The following PGAP6 variants were observed in gnomAD, a reference collection of about 807,000 sequenced individuals.
PGAP6 encodes the protein post-GPI attachment to proteins factor 6.
PGAP6 carries 62 observed loss-of-function variants against 68.4 expected under a neutral mutation model. That is an observed-to-expected ratio of 0.91 (90% confidence interval 0.74 to 1.12). The LOEUF is 1.12. Ranked by LOEUF, PGAP6 falls within the 50% of genes most tolerant of loss-of-function variation. The pLI is 0.00. For missense variants in PGAP6, 1,188 were observed against 1,068.5 expected, an observed-to-expected ratio of 1.11 and a Z score of -1.56; for synonymous variants, 575 against 474.0, an observed-to-expected ratio of 1.21 and a Z score of -2.77.
intron 11 of PGAP6, 32 bp downstream of exon 11, chr16:373,973 G>A (rs542708154): frequency 1.7e-5 from 27 of 1,574,750 alleles, no homozygotes; most frequent in Admixed American, 1.1e-4. Context: ...CTGCTCCCCC[G>A]GAGCCCACAC....
At chr16:383,104 A>G (rs2054457977), upstream of PGAP6, among the ~76,000 whole-genome samples, 1 of 152,176 alleles carries the variant, frequency 6.6e-6, no homozygotes, top group Non-Finnish European at 1.5e-5. Flanking sequence ...CGACAGAGCG[A>G]GACTCCGTCT....
chr16:372,286 G>T lies in PGAP6; in HGVS notation c.2020-3C>A. On this transcript the variant is annotated splice_polypyrimidine_tract_variant and splice_region_variant and intron_variant, in intron 12 of 12. Transcript: ENST00000431232. The stretch of plus-strand genomic sequence containing the variant: ...CGCCGGTGCCCGCAGCGGTAAGCCT[G>T]GAGAAAACAGCCACGCAGGTATCAG... The T allele has an allele frequency of 6.2e-7, 1 of 1,605,872 alleles. No individual in the cohort carries two copies. The highest frequency in any genetic ancestry group is 8.5e-7 in the Non-Finnish European group (1 of 1,179,128).
Position 372,224 on chromosome 16 carries a change from G to C in PGAP6, c.2079C>G (p.Phe693Leu). ...CYPTSWQRWA[F>L]YLLPGVSMAS... Reference sequence around the variant, plus strand: ...CCATAGAGACGCCGGGCAGGAGGTAGAAGGCCCAGCGCTGCCACGAGGTGG... The same window carrying C: ...CCATAGAGACGCCGGGCAGGAGGTACAAGGCCCAGCGCTGCCACGAGGTGG... Residue 693 changes from phenylalanine to leucine, a missense_variant, in exon 13 of 13, where the codon TTC becomes TTG. By Grantham distance (22) the Phe-to-Leu change is conservative. Coordinates refer to ENST00000431232, the MANE Select transcript of PGAP6 (RefSeq NM_021259.3). 2 of 1,612,512 alleles carry C rather than the reference G, an allele frequency of 1.2e-6. No homozygotes were observed. Among genetic ancestry groups the C allele is most frequent in the Non-Finnish European group, 1.7e-6 (2 of 1,179,934 alleles).
chr16:375,203 G>C lies in PGAP6; in HGVS notation c.1369C>G (p.Leu457Val), dbSNP rs543751436. Reference protein sequence around the residue: ...SLSAWSRRANLIIPYPETDNW... With the variant: ...SLSAWSRRANVIIPYPETDNW... ...TCTGTCTCTGGGTAGGGGATGATGA[G>C]GTTGGCCCTGCGAGACCAGGCGCTC... Residue 457 changes from leucine to valine, a missense_variant, in exon 8 of 13, where the codon CTC becomes GTC. Transcript: ENST00000431232. 6.8e-6 allele frequency: 11 copies of C among 1,613,440 alleles called. No homozygotes were observed. The highest frequency in any genetic ancestry group is 6.7e-5 in the Admixed American group (4 of 60,022).
upstream of PGAP6, among the ~76,000 whole-genome samples, chr16:385,943 A>T (rs745932700): frequency 1.3e-5 from 2 of 152,140 alleles, no homozygotes; most frequent in Non-Finnish European, 2.9e-5. Flanking sequence ...TATTTATGCA[A>T]CTTTTAGATG....
upstream of PGAP6, among the ~76,000 whole-genome samples, chr16:385,529 T>TC (rs577396266): frequency 7.7e-4 from 102 of 132,430 alleles, no homozygotes; most frequent in South Asian, 1.1e-3. Flanking sequence ...GCCAGGATGG[T>TC]CTCGATCTCC....
At chr16:386,365 T>G (rs145080652), upstream of PGAP6, among the ~76,000 whole-genome samples, 734 of 152,258 alleles carry the variant, frequency 4.8e-3, 7 homozygotes, top group African/African-American at 0.017. Context: ...TCCCAGGCTC[T>G]GCAGGTTGAA....
rs1449731372 is a variant in PGAP6, at chr16:371,089, A to T, written c.*898T>A. 2.0e-5 allele frequency: 3 copies of T among 152,158 alleles called. No homozygotes were observed. The highest frequency in any genetic ancestry group is 4.4e-5 in the Non-Finnish European group (3 of 68,102). 9.4% of individuals were successfully genotyped at this position (152,158 alleles called of 1,614,324 possible). A position where few individuals can be genotyped will look rare whatever the true frequency, so the allele number is the denominator to read the frequency against. On this transcript the variant is annotated 3_prime_UTR_variant, in exon 13 of 13. Coordinates refer to ENST00000431232, the MANE Select transcript of PGAP6 (RefSeq NM_021259.3). ...CACTTCTCCAGGGCGGATCCGAGAC[A>T]CTCACAGGCCTCAGGGAGGGGCCAG...
chr16:376,874 G>C lies in PGAP6; in HGVS notation c.636-62C>G, dbSNP rs111247250. 2.1e-3 allele frequency: 3,247 copies of C among 1,583,892 alleles called. 49 individuals carry two copies. The African/African-American group carries it at 0.038, about 19-fold the overall frequency. ...ATTCCTCAGCCCAGGGACGCAGCGT[G>C]CCCAGGCTCTGCTGTTCCTCAGCCC... On this transcript the variant is annotated intron_variant, in intron 4 of 12. Coordinates refer to ENST00000431232, the MANE Select transcript of PGAP6 (RefSeq NM_021259.3).
At chr16:386,521 T>G (rs1488386498), upstream of PGAP6, 1 of 292,182 alleles carries the variant, frequency 3.4e-6, no homozygotes, top group East Asian at 1.0e-4. Flanking sequence ...AACCCTGTCT[T>G]TCTGACCCAG....
chr16:377,117 G>A lies in PGAP6; in HGVS notation c.555C>T (p.Val185=), dbSNP rs777090161. 1.2e-6 allele frequency: 2 copies of A among 1,613,668 alleles called. No homozygotes were observed. The highest frequency in any genetic ancestry group is 2.2e-5 in the East Asian group (1 of 44,888). ...TGATGGAAATCTCGACCACCCGCGT[G>A]ACCAGCAGTTCAGGCTGGAAGACGT... is the stretch of plus-strand genomic sequence containing the variant. ...CAYVFQPELL[V]TRVVEISIME... The change falls in exon 4 of 13, where the codon GTC becomes GTT. Residue 185 remains valine (V), a synonymous_variant. Transcript: ENST00000431232.
At chr16:381,520 G>A (rs1236749369) in intron 1 of PGAP6, among the ~76,000 whole-genome samples, 181 bp downstream of exon 1, 1 of 152,112 alleles carries the variant, frequency 6.6e-6, no homozygotes, top group Non-Finnish European at 1.5e-5. Flanking sequence ...GGTCCCGTCC[G>A]CCTCGACCCC....
At position 376,781 on chromosome 16, in the gene PGAP6, G is replaced by C. The variant is rs768540971; in HGVS notation, c.667C>G (p.Leu223Val). The C allele has an allele frequency of 2.5e-6, 4 of 1,609,792 alleles. No individual in the cohort carries two copies. In the Admixed American group the frequency reaches 5.0e-5, roughly 20 times the overall value. The change falls in exon 5 of 13, where the codon CTG becomes GTG. Residue 223 changes from leucine (L) to valine (V), a missense_variant. Coordinates refer to ENST00000431232, the MANE Select transcript of PGAP6 (RefSeq NM_021259.3). ...VFVPDYTREL[L>V]LELRDCVSNG... is the part of the protein sequence containing the mutation. ...GACACGCAGTCCCGCAGCTCCAGCA[G>C]AAGCTCCCGCGTGTAATCGGGGACA...
intron 1 of PGAP6, among the ~76,000 whole-genome samples, chr16:381,012 C>G (rs1010638739): frequency 1.3e-5 from 2 of 152,234 alleles, no homozygotes; most frequent in African/African-American, 4.8e-5. Context: ...GTCCCTACCC[C>G]GTGGAAGGGC....
rs2054370541 is a variant in PGAP6, at chr16:375,174, G to A, written c.1398C>T (p.Asn466=). The change falls in exon 8 of 13, where the codon AAC becomes AAT. Residue 466 remains asparagine (N), a synonymous_variant. Transcript: ENST00000431232. ...ACATGAGCTGCAGGGAGAGGTACCA[G>A]TTGTCTGTCTCTGGGTAGGGGATGA... ...NLIIPYPETD[N]WYLSLQLMCP... 7 of 1,613,524 alleles carry A rather than the reference G, an allele frequency of 4.3e-6. No homozygotes were observed. Among genetic ancestry groups the A allele is most frequent in the Non-Finnish European group, 5.9e-6 (7 of 1,179,994 alleles).
chr16:374,701 G>C, intron 9 of PGAP6, 55 bp downstream of exon 9: 1 of 1,603,128 alleles, frequency 6.2e-7, no homozygotes, highest in Non-Finnish European at 8.5e-7. Context: ...GCACAGCACA[G>C]CACTGGAAGC....
At chr16:374,995 C>T in intron 8 of PGAP6, 103 bp from the exon 9 acceptor site, 1 of 1,578,998 alleles carries the variant, frequency 6.3e-7, no homozygotes, top group Non-Finnish European at 8.6e-7. Context: ...AGCATTAGGG[C>T]CCCCAGCTTT....
chr16:376,443 C>CGT lies in PGAP6; in HGVS notation c.915_916dup (p.Arg306HisfsTer4). On this transcript the variant is annotated frameshift_variant, in exon 6 of 13. Coordinates refer to ENST00000431232, the MANE Select transcript of PGAP6 (RefSeq NM_021259.3). LOFTEE classifies it high-confidence loss of function. ...CAGAAGGGGCTGGATGGTCACGCTC[C>CGT]GTGGCCTGCAAGCTGCCGAGAGGAC... 1 of 1,565,288 alleles carries CGT rather than the reference C, an allele frequency of 6.4e-7. No individual in the cohort carries two copies. The highest frequency in any genetic ancestry group is 8.7e-7 in the Non-Finnish European group (1 of 1,153,708).
chr16:386,462 G>C (rs2054485342), upstream of PGAP6, among the ~76,000 whole-genome samples: 1 of 152,064 alleles, frequency 6.6e-6, no homozygotes, highest in South Asian at 2.1e-4. Context: ...CTGAGGGCAG[G>C]AGATGGGTCT....
Sources: gnomAD v4.1 joint callset for allele counts (sites outside exome capture counted in the v4.1 genomes callset) on GRCh38, gnomAD v4.1.1 for gene constraint, MANE v1.5 for transcripts, NCBI Gene and HGNC (gene_info 2026-07-23, HGNC 2026-07-21) for gene names.